PSPC1: variants seen among roughly 807,000 people sequenced by gnomAD.
The protein encoded by PSPC1 is paraspeckle component 1.
Under a neutral mutation model 51.6 loss-of-function variants are expected in PSPC1, and 14 were observed. That is an observed-to-expected ratio of 0.27 (90% confidence interval 0.18 to 0.42). PSPC1 has a LOEUF of 0.42. Among genes scored for constraint, PSPC1 ranks in the 10% least tolerant of loss-of-function variants. The probability of loss-of-function intolerance (pLI) is 1.00; values close to 1 mark genes in which losing one functional copy is unlikely to be tolerated. For synonymous variants in PSPC1, 193 were observed against 231.9 expected (o/e 0.83, Z 1.53); for missense variants, 406 against 701.1 (o/e 0.58, Z 4.75).
At chr13:19,758,616 T>A (rs370441683) in intron 3 of PSPC1, among the ~76,000 whole-genome samples, 1 of 152,022 alleles carries the variant, frequency 6.6e-6, no homozygotes, top group African/African-American at 2.4e-5. Context: ...GTAGATCACC[T>A]GAGATCAGGA....
chr13:19,735,592 G>C (rs542593858), intron 5 of PSPC1, among the ~76,000 whole-genome samples: 3 of 152,228 alleles, frequency 2.0e-5, no homozygotes, highest in Non-Finnish European at 4.4e-5. Context: ...AAAATGTACT[G>C]TCCTAGGCCA....
chr13:19,751,437 T>C lies in PSPC1; in HGVS notation c.801A>G (p.Gln267=). 1.3e-6 allele frequency: 2 copies of C among 1,549,468 alleles called. No individual in the cohort carries two copies. Among genetic ancestry groups the C allele is most frequent in the Non-Finnish European group, 1.7e-6 (2 of 1,154,162 alleles). ...CATACTCAAATTCAAATGTCCCAGGTTGAGCAAAACGTGGTGGTTGTTCTC... is the reference window on the plus strand; with the variant it reads ...CATACTCAAATTCAAATGTCCCAGGCTGAGCAAAACGTGGTGGTTGTTCTC... ...KEREQPPRFA[Q]PGTFEFEYAS... is the part of the protein sequence containing the mutation. Residue 267 remains glutamine, a synonymous_variant, in exon 4 of 9, where the codon CAA becomes CAG. Coordinates refer to ENST00000338910, the MANE Select transcript of PSPC1 (RefSeq NM_001354909.2).
At chr13:19,751,543 A>T (rs527465529) in intron 3 of PSPC1, 76 bp from the exon 4 acceptor site, 1 of 1,094,404 alleles carries the variant, frequency 9.1e-7, no homozygotes, top group East Asian at 2.8e-5. Flanking sequence ...ACAAGCACTT[A>T]CAATGTCCAA....
intron 8 of PSPC1, among the ~76,000 whole-genome samples, chr13:19,703,806 AT>A (rs1024059122): frequency 1.3e-5 from 2 of 152,214 alleles, no homozygotes; most frequent in African/African-American, 4.8e-5. Context: ...CTAAAAAAAA[AT>A]CTTCACATCA....
At chr13:19,757,209 TTCATGGTCTCACAAC>T (rs1183353756) in intron 3 of PSPC1, among the ~76,000 whole-genome samples, 1 of 151,430 alleles carries the variant, frequency 6.6e-6, no homozygotes, top group Non-Finnish European at 1.5e-5. Context: ...GAACTTTGGG[TTCATGGTCTCACAAC>T]TGAGAAGGGT....
chr13:19,687,987 C>A (rs1878119230), intron 6 of PSPC1, among the ~76,000 whole-genome samples: 1 of 151,482 alleles, frequency 6.6e-6, no homozygotes. Context: ...CACGGTGGGC[C>A]CACTCTGATC....
At chr13:19,698,839 T>C (rs1277151765), downstream of PSPC1, among the ~76,000 whole-genome samples, 3 of 151,954 alleles carry the variant, frequency 2.0e-5, no homozygotes. Context: ...ACTCTGGCTA[T>C]ATAACATTAA....
At chr13:19,674,429 GTC>G (rs1432586304), downstream of PSPC1, among the ~76,000 whole-genome samples, 3 of 152,214 alleles carry the variant, frequency 2.0e-5, no homozygotes, top group African/African-American at 7.2e-5. Context: ...GATCAGGAGA[GTC>G]TATTTGAAGC....
intron 5 of PSPC1, among the ~76,000 whole-genome samples, chr13:19,732,913 C>T (rs924645215): frequency 3.6e-5 from 5 of 138,852 alleles, no homozygotes; most frequent in African/African-American, 1.1e-4. Flanking sequence ...CACAATACAG[C>T]GAGACTCCAT....
At chr13:19,730,093 G>A (rs1394573372) in intron 6 of PSPC1, 146 bp downstream of exon 6, 6 of 623,128 alleles carry the variant, frequency 9.6e-6, no homozygotes, top group African/African-American at 9.1e-5. Flanking sequence ...CCTATGAGAG[G>A]TTAAGAAAAT....
At chr13:19,743,020 C>A (rs1885591461) in intron 4 of PSPC1, among the ~76,000 whole-genome samples, 1 of 152,128 alleles carries the variant, frequency 6.6e-6, no homozygotes, top group Non-Finnish European at 1.5e-5. Flanking sequence ...TCCACTATCA[C>A]CAATCCCTGC....
intron 3 of PSPC1, among the ~76,000 whole-genome samples, chr13:19,754,317 C>T (rs1010791431): frequency 2.0e-5 from 3 of 151,800 alleles, no homozygotes; most frequent in African/African-American, 7.3e-5. Context: ...AACTCCTGAT[C>T]TCAGGTGATC....
At chr13:19,735,091 C>G (rs1283288145) in intron 5 of PSPC1, among the ~76,000 whole-genome samples, 2 of 151,950 alleles carry the variant, frequency 1.3e-5, no homozygotes, top group Non-Finnish European at 2.9e-5. Context: ...GTGGGCTGAT[C>G]ATCTGAGGTC....
chr13:19,755,241 A>C (rs1886953854), intron 3 of PSPC1, among the ~76,000 whole-genome samples: 1 of 152,020 alleles, frequency 6.6e-6, no homozygotes, highest in African/African-American at 2.4e-5. Context: ...GTCTCAAAAA[A>C]AAAAAGAAAA....
chr13:19,717,706 A>C (rs1326347800), intron 6 of PSPC1, among the ~76,000 whole-genome samples: 9 of 79,198 alleles, frequency 1.1e-4, no homozygotes, highest in African/African-American at 4.4e-4. Context: ...ACTCTGTCTC[A>C]AAAAAAAAAA....
In PSPC1 at chr13:19,759,307, A is replaced by G; in HGVS notation, c.770+16T>C. ...TTAATAGTACAGACACAAATTATCT[A>G]TTAATAAAATCTTACTTATGATATT... On this transcript the variant is annotated intron_variant, in intron 3 of 8. Coordinates refer to ENST00000338910, the MANE Select transcript of PSPC1 (RefSeq NM_001354909.2). 1.3e-6 allele frequency: 2 copies of G among 1,586,218 alleles called. No individual in the cohort carries two copies. The highest frequency in any genetic ancestry group is 8.7e-7 in the Non-Finnish European group (1 of 1,154,736).
rs191486761 is a variant in PSPC1 at position 19,711,940 on chromosome 13, T to C, written c.1159-2341A>G. On this transcript the variant is annotated intron_variant, in intron 6 of 8. Transcript: ENST00000338910. ...AAAATAAAGCTTCTGTTATCACTAC[T>C]TTCAATAAACCAAACCAAATTGCCA... 1.3e-3 allele frequency among the ~76,000 whole-genome samples: 198 copies of C among 152,280 alleles called. 1 individual carries two copies. Among genetic ancestry groups the C allele is most frequent in the African/African-American group, 4.4e-3 (184 of 41,566 alleles).
At chr13:19,683,334 T>C (rs1009196816) in intron 6 of PSPC1, among the ~76,000 whole-genome samples, 10 of 152,146 alleles carry the variant, frequency 6.6e-5, no homozygotes, top group African/African-American at 2.4e-4. Flanking sequence ...TTGAGCAGAA[T>C]GAGAACCACG....
At chr13:19,747,729 G>A (rs1281946627) in intron 4 of PSPC1, among the ~76,000 whole-genome samples, 1 of 152,058 alleles carries the variant, frequency 6.6e-6, no homozygotes, top group Non-Finnish European at 1.5e-5. Context: ...GAATACAAAA[G>A]AGACTTAAAA....
Sources: gnomAD v4.1 joint callset for allele counts (sites outside exome capture counted in the v4.1 genomes callset) on GRCh38, gnomAD v4.1.1 for gene constraint, MANE v1.5 for transcripts, NCBI Gene and HGNC (gene_info 2026-07-23, HGNC 2026-07-21) for gene names.